Variants in CTIF observed in about 807,000 individuals in gnomAD.
The protein encoded by CTIF is CBP80/20-dependent translation initiation factor.
In CTIF, 21 loss-of-function variants were observed where a neutral mutation model predicts 66.0. The ratio of observed to expected loss-of-function variants is 0.32; its 90% CI spans 0.23 to 0.46. CTIF has a LOEUF of 0.46. Ranked by LOEUF, CTIF falls within the 20% of genes least tolerant of loss-of-function variation. The pLI is 1.00. For synonymous variants in CTIF, 345 were observed against 326.4 expected (o/e 1.06, Z -0.62); for missense variants, 739 against 812.7 (o/e 0.91, Z 1.10).
chr18:48,548,158 A>G (rs1419612079), intron 1 of CTIF, among the ~76,000 whole-genome samples: 1 of 152,242 alleles, frequency 6.6e-6, no homozygotes, highest in Non-Finnish European at 1.5e-5. Flanking sequence ...GAAGGGATTC[A>G]GAAAGAATGT....
At chr18:48,857,712 G>T in intron 11 of CTIF, 71 bp downstream of exon 11, 1 of 1,422,724 alleles carries the variant, frequency 7.0e-7, no homozygotes. Flanking sequence ...AGTTCTAGGG[G>T]CACGAGGGTT....
intron 10 of CTIF, among the ~76,000 whole-genome samples, chr18:48,819,202 C>G (rs183253351): frequency 2.2e-4 from 34 of 152,336 alleles, no homozygotes; most frequent in Admixed American, 1.9e-3. Flanking sequence ...ACAATGGCCT[C>G]TCCTGACTTT....
chr18:48,665,334 T>C (rs1320665561), intron 5 of CTIF, among the ~76,000 whole-genome samples: 2 of 152,224 alleles, frequency 1.3e-5, no homozygotes, highest in African/African-American at 4.8e-5. Flanking sequence ...CTCTATGACT[T>C]TGTGTGGCAG....
intron 10 of CTIF, among the ~76,000 whole-genome samples, chr18:48,854,137 T>C (rs187038603): frequency 2.6e-5 from 4 of 152,360 alleles, no homozygotes; most frequent in African/African-American, 9.6e-5. Flanking sequence ...AATTTGGCAC[T>C]GTCCCTGACT....
In CTIF at chr18:48,758,033, C is replaced by G; in HGVS notation, c.699C>G (p.Pro233=). ...HQKSYQGGSA[P]HPSGRPTHHG... is the part of the protein sequence containing the mutation. ...AATCCTACCAGGGGGGCTCAGCACC[C>G]CACCCCTCAGGGAGGCCCACTCACC... The change falls in exon 8 of 12, where the codon CCC becomes CCG. Residue 233 remains proline, a synonymous_variant. Transcript: ENST00000256413. 6.2e-7 allele frequency: 1 copy of G among 1,614,042 alleles called. No individual in the cohort carries two copies. Among genetic ancestry groups the G allele is most frequent in the East Asian group, 2.2e-5 (1 of 44,858 alleles).
At chr18:48,702,989 G>A (rs1476849436) in intron 6 of CTIF, among the ~76,000 whole-genome samples, 5 of 152,030 alleles carry the variant, frequency 3.3e-5, no homozygotes, top group Admixed American at 1.3e-4. Flanking sequence ...TGTCAGAGGA[G>A]CTGTGCTTGG....
chr18:48,680,924 C>T (rs536991794), intron 6 of CTIF, among the ~76,000 whole-genome samples: 1 of 152,342 alleles, frequency 6.6e-6, no homozygotes, highest in South Asian at 2.1e-4. Context: ...TTAGTTTCCC[C>T]CTGCTTCTGT....
intron 1 of CTIF, among the ~76,000 whole-genome samples, chr18:48,601,258 A>G (rs2090085391): frequency 6.6e-6 from 1 of 152,206 alleles, no homozygotes; most frequent in South Asian, 2.1e-4. Flanking sequence ...CTCCCAAAAG[A>G]AAAATGTGTT....
At chr18:48,683,862 C>T (rs1159445246) in intron 6 of CTIF, among the ~76,000 whole-genome samples, 1 of 152,186 alleles carries the variant, frequency 6.6e-6, no homozygotes, top group Non-Finnish European at 1.5e-5. Context: ...CCACTGTGGC[C>T]ACCAGCCCTG....
chr18:48,544,193 C>G (rs904398912), intron 1 of CTIF, among the ~76,000 whole-genome samples: 6 of 152,228 alleles, frequency 3.9e-5, no homozygotes, highest in African/African-American at 1.2e-4. Flanking sequence ...TTGGTTGACA[C>G]TGGGGCTACT....
chr18:48,686,892 CCTT>C (rs1398302900), intron 6 of CTIF, among the ~76,000 whole-genome samples: 4 of 152,144 alleles, frequency 2.6e-5, no homozygotes, highest in African/African-American at 9.7e-5. Flanking sequence ...GCCCACTCCT[CCTT>C]CGTTTACTTT....
At chr18:48,653,863 C>G (rs1448506938) in intron 3 of CTIF, among the ~76,000 whole-genome samples, 2 of 152,118 alleles carry the variant, frequency 1.3e-5, no homozygotes, top group Non-Finnish European at 1.5e-5. Context: ...CTGACAAAAA[C>G]AGGAAATGGG....
intron 1 of CTIF, among the ~76,000 whole-genome samples, chr18:48,546,540 A>G (rs1252219124): frequency 1.3e-5 from 2 of 151,946 alleles, no homozygotes; most frequent in Non-Finnish European, 2.9e-5. Flanking sequence ...TTCAAAGAAG[A>G]GCTAAGCTCA....
At chr18:48,836,980 G>A (rs778525764) in intron 10 of CTIF, among the ~76,000 whole-genome samples, 11 of 152,308 alleles carry the variant, frequency 7.2e-5, no homozygotes, top group African/African-American at 1.9e-4. Flanking sequence ...CCTTCCCATC[G>A]CATAAGGAGC....
chr18:48,563,856 T>A (rs960754744), intron 1 of CTIF, among the ~76,000 whole-genome samples: 1 of 152,128 alleles, frequency 6.6e-6, no homozygotes, highest in African/African-American at 2.4e-5. Context: ...TGAGATTGAG[T>A]GGGGTGGGGT....
At chr18:48,685,030 ATT>A (rs35327726) in intron 6 of CTIF, among the ~76,000 whole-genome samples, 53 of 133,562 alleles carry the variant, frequency 4.0e-4, no homozygotes, top group Admixed American at 5.2e-4. Flanking sequence ...GTTTGTTTGT[ATT>A]TTTTTTTTTT....
chr18:48,611,291 A>G (rs2090303826), intron 1 of CTIF, among the ~76,000 whole-genome samples: 1 of 152,210 alleles, frequency 6.6e-6, no homozygotes, highest in Non-Finnish European at 1.5e-5. Flanking sequence ...AGGTGCTGTC[A>G]TGTCATGCGC....
In CTIF at chr18:48,861,942, C is replaced by T. The variant is rs1330070100; in HGVS notation, c.*2383C>T. The T allele has an allele frequency of 1.3e-5, 2 of 152,132 alleles. No individual in the cohort carries two copies. Among genetic ancestry groups the T allele is most frequent in the Non-Finnish European group, 2.9e-5 (2 of 68,022 alleles). The allele number at this position is 152,132 out of a possible 1,614,324, so 9.4% of individuals were successfully genotyped here. On this transcript the variant is annotated 3_prime_UTR_variant, in exon 12 of 12. Transcript: ENST00000256413. ...AGACATACTGTTTGCCTAGTTTATT[C>T]CACTGCTTGAAAGCGCTTCCTAGCC...
intron 9 of CTIF, among the ~76,000 whole-genome samples, chr18:48,803,394 C>G (rs1285419181): frequency 1.3e-5 from 2 of 152,162 alleles, no homozygotes; most frequent in Non-Finnish European, 2.9e-5. Context: ...TTTTCATGTC[C>G]ATTGATTAGA....
Sources: gnomAD v4.1 joint callset for allele counts (sites outside exome capture counted in the v4.1 genomes callset) on GRCh38, gnomAD v4.1.1 for gene constraint, MANE v1.5 for transcripts, NCBI Gene and HGNC (gene_info 2026-07-23, HGNC 2026-07-21) for gene names.